PCGF5: variants seen among roughly 807,000 people sequenced by gnomAD.
PCGF5 encodes the protein polycomb group ring finger 5.
In PCGF5, 9 loss-of-function variants were observed where a neutral mutation model predicts 44.3. The observed-to-expected ratio is 0.20, with a 90% CI of 0.12 to 0.35. The LOEUF (loss-of-function observed/expected upper bound fraction) is 0.35. Ranked by LOEUF, PCGF5 falls within the 10% of genes least tolerant of loss-of-function variation. The probability of loss-of-function intolerance (pLI) is 1.00; values close to 1 mark genes in which losing one functional copy is unlikely to be tolerated. For synonymous variants in PCGF5, 95 were observed against 102.5 expected (o/e 0.93, Z 0.44); for missense variants, 146 against 305.3 (o/e 0.48, Z 3.89).
chr10:91,253,721 T>C, intron 6 of PCGF5, among the ~76,000 whole-genome samples: 1 of 152,082 alleles, frequency 6.6e-6, no homozygotes, highest in Non-Finnish European at 1.5e-5. Context: ...TTAAGTGTTT[T>C]CTGTACCCTT....
chr10:91,273,660 G>T (rs1846236789), intron 9 of PCGF5, among the ~76,000 whole-genome samples: 1 of 151,896 alleles, frequency 6.6e-6, no homozygotes, highest in Non-Finnish European at 1.5e-5. Flanking sequence ...TGTATCTATT[G>T]TTAATCATTA....
At chr10:91,241,738 T>G (rs1792751938) in intron 3 of PCGF5, among the ~76,000 whole-genome samples, 1 of 152,138 alleles carries the variant, frequency 6.6e-6, no homozygotes. Flanking sequence ...TTCATAACTC[T>G]CTTATCTGTG....
At chr10:91,256,396 G>A (rs1845753991) in intron 6 of PCGF5, among the ~76,000 whole-genome samples, 1 of 152,006 alleles carries the variant, frequency 6.6e-6, no homozygotes, top group African/African-American at 2.4e-5. Flanking sequence ...TTCAGTCTGA[G>A]AAACAGAAAA....
chr10:91,274,712 G>A (rs1846263932), intron 9 of PCGF5, among the ~76,000 whole-genome samples: 1 of 152,180 alleles, frequency 6.6e-6, no homozygotes, highest in African/African-American at 2.4e-5. Context: ...GTGGTGGATT[G>A]TTGATCAAAA....
chr10:91,220,088 T>G (rs1844626621), upstream of PCGF5: 1 of 152,176 alleles, frequency 6.6e-6, no homozygotes, highest in African/African-American at 2.4e-5. Flanking sequence ...GGTTTTTGTT[T>G]GTTTTGAACG....
intron 1 of PCGF5, among the ~76,000 whole-genome samples, chr10:91,182,026 G>A (rs1025845637): frequency 2.6e-5 from 4 of 152,246 alleles, no homozygotes; most frequent in Admixed American, 6.5e-5. Context: ...TTTGGAGGGT[G>A]TATGTGTCCA....
At chr10:91,163,273 C>T (rs1001298573) in intron 1 of PCGF5, among the ~76,000 whole-genome samples, 2 of 150,734 alleles carry the variant, frequency 1.3e-5, no homozygotes, top group Non-Finnish European at 3.0e-5. Context: ...GGCCGGTGGG[C>T]GGCGCGGCCG....
intron 9 of PCGF5, among the ~76,000 whole-genome samples, chr10:91,273,416 T>A (rs1846230570): frequency 6.6e-6 from 1 of 152,244 alleles, no homozygotes; most frequent in African/African-American, 2.4e-5. Context: ...CCTTAAACCA[T>A]GATCCAAAGT....
chr10:91,224,701 G>T (rs997513669), intron 2 of PCGF5, among the ~76,000 whole-genome samples: 1 of 152,082 alleles, frequency 6.6e-6, no homozygotes, highest in Non-Finnish European at 1.5e-5. Flanking sequence ...CCTTGAGATG[G>T]AAATACACTT....
At chr10:91,198,812 G>A (rs1471856365) in intron 1 of PCGF5, among the ~76,000 whole-genome samples, 1 of 152,222 alleles carries the variant, frequency 6.6e-6, no homozygotes, top group Admixed American at 6.5e-5. Flanking sequence ...TTTGTGCAAT[G>A]AAGAGCCCTT....
chr10:91,270,266 T>A (rs1461474809), intron 8 of PCGF5, among the ~76,000 whole-genome samples: 1 of 152,152 alleles, frequency 6.6e-6, no homozygotes, highest in East Asian at 1.9e-4. Context: ...CCTCTGCCAG[T>A]CCAGCACCTA....
intron 6 of PCGF5, among the ~76,000 whole-genome samples, chr10:91,258,035 A>G (rs1215133753): frequency 6.6e-6 from 1 of 152,104 alleles, no homozygotes; most frequent in Non-Finnish European, 1.5e-5. Flanking sequence ...GCTAAGTGCA[A>G]GAAGCCAGAC....
chr10:91,261,434 A>G lies in PCGF5; in HGVS notation c.573+10A>G. The G allele has an allele frequency of 6.9e-7, 1 of 1,439,608 alleles. No individual in the cohort carries two copies. Among genetic ancestry groups the G allele is most frequent in the Non-Finnish European group, 9.3e-7 (1 of 1,078,718 alleles). 89.2% of individuals were successfully genotyped at this position (1,439,608 alleles called of 1,614,324 possible). On this transcript the variant is annotated intron_variant, in intron 7 of 9. Coordinates refer to ENST00000336126, the MANE Select transcript of PCGF5 (RefSeq NM_032373.5). ...TCCAAGTTCTTATGAGGTAAGTTAA[A>G]TAATATCTAAGCTTGATCATTTTGA...
At chr10:91,233,949 A>C (rs562661680) in intron 2 of PCGF5, among the ~76,000 whole-genome samples, 2 of 152,354 alleles carry the variant, frequency 1.3e-5, no homozygotes, top group South Asian at 4.1e-4. Context: ...AAGACACTTA[A>C]AGACATGAGA....
At chr10:91,249,394 T>C (rs59475903) in intron 5 of PCGF5, among the ~76,000 whole-genome samples, 1 of 114,706 alleles carries the variant, frequency 8.7e-6, no homozygotes, top group Admixed American at 9.0e-5. Flanking sequence ...TATATATATA[T>C]ATATATATAT....
chr10:91,156,973 G>A, the PCGF5 span, among the ~76,000 whole-genome samples: 2 of 152,166 alleles, frequency 1.3e-5, no homozygotes, highest in Non-Finnish European at 2.9e-5. Context: ...AAGTAAGACT[G>A]CCCAGTTTTG....
chr10:91,265,150 GT>G (rs1321357641), intron 8 of PCGF5, among the ~76,000 whole-genome samples: 1 of 152,054 alleles, frequency 6.6e-6, no homozygotes, highest in Non-Finnish European at 1.5e-5. Flanking sequence ...TTTGATTCTG[GT>G]TAATTCTGTA....
intron 8 of PCGF5, among the ~76,000 whole-genome samples, chr10:91,268,080 G>A (rs1846088184): frequency 6.6e-6 from 1 of 152,122 alleles, no homozygotes; most frequent in Non-Finnish European, 1.5e-5. Context: ...ATGTCACCAT[G>A]TCTGTGCGTA....
intron 1 of PCGF5, among the ~76,000 whole-genome samples, chr10:91,182,338 A>G (rs758621114): frequency 6.6e-6 from 1 of 151,916 alleles, no homozygotes; most frequent in African/African-American, 2.4e-5. Context: ...TTTTTAGTTT[A>G]TAAGCATAGA....
Sources: gnomAD v4.1 joint callset for allele counts (sites outside exome capture counted in the v4.1 genomes callset) on GRCh38, gnomAD v4.1.1 for gene constraint, MANE v1.5 for transcripts, NCBI Gene and HGNC (gene_info 2026-07-23, HGNC 2026-07-21) for gene names.